Variants in NR2E1 observed in about 807,000 individuals in gnomAD.
The protein encoded by NR2E1 is nuclear receptor TLX.
Under a neutral mutation model 43.6 loss-of-function variants are expected in NR2E1, and 5 were observed. That is an observed-to-expected ratio of 0.11 (90% CI 0.06 to 0.24). The LOEUF (loss-of-function observed/expected upper bound fraction) is 0.24, where lower values mean the gene tolerates loss of function less well. NR2E1 is among the 10% of genes least tolerant of loss of function. The pLI, the probability that NR2E1 is intolerant of heterozygous loss-of-function variation, is 1.00. For missense variants in NR2E1, 287 were observed against 496.7 expected (o/e 0.58, Z 4.01); for synonymous variants, 191 against 195.5 (o/e 0.98, Z 0.19).
Position 108,166,379 on chromosome 6 carries a change from A to G in NR2E1, c.-387A>G. ...CTGAGTGACAGGAATGGGGAAAAAGAGGGATTTCGCTCCGTAGGAAGGCCA... is the reference window on the plus strand; with the variant it reads ...CTGAGTGACAGGAATGGGGAAAAAGGGGGATTTCGCTCCGTAGGAAGGCCA... On this transcript the variant is annotated 5_prime_UTR_variant, in exon 1 of 9. Transcript: ENST00000368986. The surrounding 1 kb of genome is among the most constrained non-coding windows in gnomAD (Gnocchi z 7.2). The G allele has an allele frequency of 4.6e-6, 1 of 215,636 alleles. No individual in the cohort carries two copies. Among genetic ancestry groups the G allele is most frequent in the Non-Finnish European group, 8.9e-6 (1 of 111,768 alleles). 13.4% of individuals were successfully genotyped at this position (215,636 alleles called of 1,614,324 possible). A position where few individuals can be genotyped will look rare whatever the true frequency, so the allele number is the denominator to read the frequency against.
intron 7 of NR2E1, 138 bp from the exon 8 acceptor site, chr6:108,181,408 G>A: frequency 2.7e-6 from 2 of 751,880 alleles, no homozygotes; most frequent in Non-Finnish European, 4.8e-6. Flanking sequence ...TGGCCAGGTT[G>A]GTCTCGAACT....
Position 108,166,739 on chromosome 6 carries a change from C to G in NR2E1, c.-27C>G. On this transcript the variant is annotated 5_prime_UTR_variant, in exon 1 of 9. Coordinates refer to ENST00000368986, the MANE Select transcript of NR2E1 (RefSeq NM_003269.5). This position sits in a 1 kb window ranked among gnomAD's most constrained non-coding sequence, Gnocchi z 7.2. The stretch of plus-strand genomic sequence containing the variant: ...CGGCCGGGACTCGGGCAGCGCCCAC[C>G]AACCGCTCCGCCCCGGGACAGCCAG... 6.4e-7 allele frequency: 1 copy of G among 1,552,402 alleles called. No homozygotes were observed. The highest frequency in any genetic ancestry group is 8.7e-7 in the Non-Finnish European group (1 of 1,154,246).
Position 108,180,291 on chromosome 6 carries a change from CTATAT to C in NR2E1, c.643-22_643-18del. On this transcript the variant is annotated intron_variant, in intron 5 of 8. Transcript: ENST00000368986. The surrounding 1 kb of genome is among the most constrained non-coding windows in gnomAD (Gnocchi z 5.4). Reference sequence around the variant, plus strand: ...TGTTTATAAATTTATAAATTACACACTATATTATATTATACATCTATTGTATGACA... The same window carrying C: ...TGTTTATAAATTTATAAATTACACACTATATTATACATCTATTGTATGACA... 2 of 1,265,408 alleles carry C rather than the reference CTATAT, an allele frequency of 1.6e-6. No individual in the cohort carries two copies. The highest frequency in any genetic ancestry group is 2.3e-6 in the Non-Finnish European group (2 of 865,056). 78.4% of individuals were successfully genotyped at this position (1,265,408 alleles called of 1,614,324 possible).
intron 1 of NR2E1, among the ~76,000 whole-genome samples, chr6:108,167,636 C>T (rs1773731254): frequency 6.6e-6 from 1 of 152,190 alleles, no homozygotes; most frequent in Non-Finnish European, 1.5e-5. Flanking sequence ...GTGCTCAGAT[C>T]TCCCGGGGGC....
In NR2E1 at chr6:108,187,525, A is replaced by G. The variant is rs1774094417; in HGVS notation, c.*62A>G. ...TCAGATGAACTTCAACCCATGGAGAACAAGCCTCAACTAACAAACCCTTCA... is the reference window on the plus strand; with the variant it reads ...TCAGATGAACTTCAACCCATGGAGAGCAAGCCTCAACTAACAAACCCTTCA... On this transcript the variant is annotated 3_prime_UTR_variant, in exon 9 of 9. Coordinates refer to ENST00000368986, the MANE Select transcript of NR2E1 (RefSeq NM_003269.5). 1.3e-6 allele frequency: 2 copies of G among 1,551,536 alleles called. No individual in the cohort carries two copies. Among genetic ancestry groups the G allele is most frequent in the African/African-American group, 1.4e-5 (1 of 73,776 alleles).
At position 108,187,613 on chromosome 6, in the gene NR2E1, C is replaced by G. The variant is rs919169168; in HGVS notation, c.*150C>G. ...AAAATGCCAATTGACACAAAGCATT[C>G]CAGTAGCTATGACCTGCCGCCCTGA... is the stretch of plus-strand genomic sequence containing the variant. On this transcript the variant is annotated 3_prime_UTR_variant, in exon 9 of 9. Transcript: ENST00000368986. 2.0e-5 allele frequency: 17 copies of G among 862,700 alleles called. No individual in the cohort carries two copies. Among genetic ancestry groups the G allele is most frequent in the Non-Finnish European group, 2.8e-5 (15 of 529,834 alleles). 53.4% of individuals were successfully genotyped at this position (862,700 alleles called of 1,614,324 possible).
chr6:108,172,493 G>A (rs2114672978), intron 2 of NR2E1, among the ~76,000 whole-genome samples: 1 of 152,246 alleles, frequency 6.6e-6, no homozygotes, highest in South Asian at 2.1e-4. Context: ...TCAATAATAG[G>A]CTGATTTTAA....
At chr6:108,167,115 G>A (rs1220692070) in intron 1 of NR2E1, among the ~76,000 whole-genome samples, 1 of 152,080 alleles carries the variant, frequency 6.6e-6, no homozygotes, top group East Asian at 1.9e-4. Context: ...GGCGGGAACT[G>A]GGCCGCAGCT....
chr6:108,180,724 A>G lies in NR2E1; in HGVS notation c.740-83A>G. On this transcript the variant is annotated intron_variant, in intron 6 of 8. Coordinates refer to ENST00000368986, the MANE Select transcript of NR2E1 (RefSeq NM_003269.5). This position sits in a 1 kb window ranked among gnomAD's most constrained non-coding sequence, Gnocchi z 5.4. ...TAGAGTGACAATTGAATAGATATTGATATGCAGGATTTTGTCAAAAATCAA... is the reference window on the plus strand; with the variant it reads ...TAGAGTGACAATTGAATAGATATTGGTATGCAGGATTTTGTCAAAAATCAA... The G allele has an allele frequency of 2.4e-6, 3 of 1,254,252 alleles. No individual in the cohort carries two copies. The highest frequency in any genetic ancestry group is 1.9e-4 in the Middle Eastern group (1 of 5,384). 77.7% of individuals were successfully genotyped at this position (1,254,252 alleles called of 1,614,324 possible). A position where few individuals can be genotyped will look rare whatever the true frequency, so the allele number is the denominator to read the frequency against.
At chr6:108,171,116 G>T (rs928344346) in intron 1 of NR2E1, among the ~76,000 whole-genome samples, 1 of 152,034 alleles carries the variant, frequency 6.6e-6, no homozygotes, top group Non-Finnish European at 1.5e-5. Context: ...GGAGGGAGGC[G>T]GCCAAACTTT....
At chr6:108,170,767 C>T (rs1277232799) in intron 1 of NR2E1, among the ~76,000 whole-genome samples, 1 of 152,126 alleles carries the variant, frequency 6.6e-6, no homozygotes, top group East Asian at 1.9e-4. Flanking sequence ...GCGTCGCTCC[C>T]CTCTCCCTTG....
At chr6:108,167,918 C>T in intron 1 of NR2E1, 1 of 1,220,494 alleles carries the variant, frequency 8.2e-7, no homozygotes, top group Non-Finnish European at 1.1e-6. Flanking sequence ...CAATTCCCGC[C>T]CTCCTACCCC....
chr6:108,184,944 A>C (rs1184806540), intron 8 of NR2E1, among the ~76,000 whole-genome samples: 1 of 152,168 alleles, frequency 6.6e-6, no homozygotes, highest in African/African-American at 2.4e-5. Context: ...TATTTCATGG[A>C]ATTCTTATTT....
intron 1 of NR2E1, chr6:108,168,767 C>G (rs1458362148): frequency 6.6e-6 from 1 of 152,282 alleles, no homozygotes; most frequent in African/African-American, 2.4e-5. Flanking sequence ...CGGGTCAGGA[C>G]TGGGTCGAGC....
chr6:108,185,376 TCTAA>T (rs1376464743), intron 8 of NR2E1, among the ~76,000 whole-genome samples: 1 of 143,026 alleles, frequency 7.0e-6, no homozygotes. Context: ...ACCTTCTCTC[TCTAA>T]CACACACACA....
chr6:108,180,880 G>A lies in NR2E1; in HGVS notation c.813G>A (p.Val271=). 1.2e-6 allele frequency: 2 copies of A among 1,614,028 alleles called. No individual in the cohort carries two copies. The highest frequency in any genetic ancestry group is 2.2e-5 in the South Asian group (2 of 91,086). Reference sequence around the variant, plus strand: ...CTGAAATACAGGCTTTACAAGAGGTGGTGGCTCGATTTAGACAACTCCGGT... The same window carrying A: ...CTGAAATACAGGCTTTACAAGAGGTAGTGGCTCGATTTAGACAACTCCGGT... ...IISEIQALQE[V]VARFRQLRLD... Residue 271 remains valine, a synonymous_variant, in exon 7 of 9, where the codon GTG becomes GTA. Transcript: ENST00000368986. The surrounding 1 kb of genome is among the most constrained non-coding windows in gnomAD (Gnocchi z 5.4).
Position 108,166,402 on chromosome 6 carries a change from C to A in NR2E1, c.-364C>A, listed in dbSNP as rs2233487. 1.8e-3 allele frequency: 464 copies of A among 253,224 alleles called. 8 individuals are homozygous for A. The highest frequency in any genetic ancestry group is 3.7e-3 in the South Asian group (40 of 10,742). 15.7% of individuals were successfully genotyped at this position (253,224 alleles called of 1,614,324 possible). The stretch of plus-strand genomic sequence containing the variant: ...AGAGGGATTTCGCTCCGTAGGAAGG[C>A]CATTTTCGTGTCTCCATCTCTGTCT... On this transcript the variant is annotated 5_prime_UTR_variant, in exon 1 of 9. Coordinates refer to ENST00000368986, the MANE Select transcript of NR2E1 (RefSeq NM_003269.5). This position sits in a 1 kb window ranked among gnomAD's most constrained non-coding sequence, Gnocchi z 7.2.
chr6:108,166,536 C>A lies in NR2E1; in HGVS notation c.-230C>A, dbSNP rs1773710696. 4.0e-6 allele frequency: 2 copies of A among 499,174 alleles called. No homozygotes were observed. The highest frequency in any genetic ancestry group is 2.1e-5 in the African/African-American group (1 of 48,152). 30.9% of individuals were successfully genotyped at this position (499,174 alleles called of 1,614,324 possible). ...TATCAAGCAGCATTCCCAGCAGCTG[C>A]GGTTTTGCAAGAGCCGGGAAGAAAC... On this transcript the variant is annotated 5_prime_UTR_variant, in exon 1 of 9. An upstream open reading frame in the 5' UTR gains an earlier in-frame stop. Coordinates refer to ENST00000368986, the MANE Select transcript of NR2E1 (RefSeq NM_003269.5). The surrounding 1 kb of genome is among the most constrained non-coding windows in gnomAD (Gnocchi z 7.2).
rs531540340 is a variant in NR2E1, at chr6:108,169,817, C to T, written c.26-1641C>T. Among the ~76,000 whole-genome samples the T allele has an allele frequency of 6.6e-6, 1 of 152,134 alleles. No homozygotes were observed. The highest frequency in any genetic ancestry group is 2.1e-4 in the South Asian group (1 of 4,792). On this transcript the variant is annotated intron_variant, in intron 1 of 8. Transcript: ENST00000368986. The surrounding 1 kb of genome is among the most constrained non-coding windows in gnomAD (Gnocchi z 6.1). ...CCGAGCCGGTGGCCGCCGCGCCGCG[C>T]GCCTCCCCTGCCCGCCTTTGTCGCC...
Sources: allele counts gnomAD v4.1 joint callset (sites outside exome capture counted in the v4.1 genomes callset), GRCh38; gene constraint gnomAD v4.1.1; non-coding constraint Gnocchi (gnomAD v3.1); transcripts MANE v1.5; gene names NCBI Gene and HGNC (gene_info 2026-07-23, HGNC 2026-07-21).